Variants in RAP1GAP2 observed in about 807,000 individuals in gnomAD.
RAP1GAP2 encodes RAP1 GTPase activating protein 2.
In RAP1GAP2, 27 loss-of-function variants were observed where a neutral mutation model predicts 95.0. The ratio of observed to expected loss-of-function variants is 0.28; its 90% CI spans 0.21 to 0.39. The LOEUF is 0.39. RAP1GAP2 is among the 10% of genes least tolerant of loss of function. The pLI is 1.00. For missense variants in RAP1GAP2, 771 were observed against 970.0 expected, an observed-to-expected ratio of 0.79 and a Z score of 2.72; for synonymous variants, 373 against 380.9, an observed-to-expected ratio of 0.98 and a Z score of 0.24.
chr17:2,787,036 C>T (rs1163263840), intron 1 of RAP1GAP2, among the ~76,000 whole-genome samples: 3 of 150,614 alleles, frequency 2.0e-5, no homozygotes, highest in East Asian at 2.0e-4. Flanking sequence ...CTGCAACCTC[C>T]GCTTCCCGGG....
chr17:2,978,329 G>A (rs929739720), intron 8 of RAP1GAP2, among the ~76,000 whole-genome samples: 2 of 152,138 alleles, frequency 1.3e-5, no homozygotes, highest in African/African-American at 4.8e-5. Context: ...AGTATGATAA[G>A]GATGAGGGTG....
intron 3 of RAP1GAP2, among the ~76,000 whole-genome samples, chr17:2,936,913 G>A (rs945939783): frequency 3.3e-5 from 5 of 152,244 alleles, no homozygotes; most frequent in Non-Finnish European, 5.9e-5. Context: ...ATAGTCACCA[G>A]ACTGAAGTCA....
intron 2 of RAP1GAP2, among the ~76,000 whole-genome samples, chr17:2,846,102 G>T (rs2071575643): frequency 6.6e-6 from 1 of 151,482 alleles, no homozygotes; most frequent in Non-Finnish European, 1.5e-5. Flanking sequence ...AGAATTGCTT[G>T]AACCCGGGAG....
chr17:2,859,999 C>T (rs1278602064), intron 2 of RAP1GAP2, among the ~76,000 whole-genome samples: 1 of 149,190 alleles, frequency 6.7e-6, no homozygotes. Context: ...CGACGTTAGT[C>T]ATTGTTGATT....
intron 21 of RAP1GAP2, 46 bp from the exon 22 acceptor site, chr17:3,026,898 G>A (rs1567913469): frequency 5.9e-6 from 9 of 1,535,234 alleles, no homozygotes; most frequent in Non-Finnish European, 7.0e-6. Flanking sequence ...CGTGGGCGCA[G>A]CTGCCGAGGG....
At chr17:2,895,517 A>G (rs1369839243) in intron 2 of RAP1GAP2, among the ~76,000 whole-genome samples, 1 of 152,176 alleles carries the variant, frequency 6.6e-6, no homozygotes, top group Non-Finnish European at 1.5e-5. Context: ...AAGAGAGTGT[A>G]CATGGATCAC....
Position 3,026,213 on chromosome 17 carries a change from C to G in RAP1GAP2, c.1865+92C>G, listed in dbSNP as rs1451042971. The G allele has an allele frequency of 4.6e-6, 6 of 1,313,690 alleles. No homozygotes were observed. The African/African-American group carries it at 5.8e-5, about 13-fold the overall frequency. 81.4% of individuals were successfully genotyped at this position (1,313,690 alleles called of 1,614,324 possible). A position where few individuals can be genotyped will look rare whatever the true frequency, so the allele number is the denominator to read the frequency against. On this transcript the variant is annotated intron_variant, in intron 20 of 24. Coordinates refer to ENST00000254695, the MANE Select transcript of RAP1GAP2 (RefSeq NM_015085.5). ...CCTGGCCAGCTGAGAGTGGCCATCT[C>G]CTGCCTCTGGAACTCTCCAGAACAC...
chr17:2,813,150 C>A (rs1322526114), intron 2 of RAP1GAP2, among the ~76,000 whole-genome samples: 1 of 151,232 alleles, frequency 6.6e-6, no homozygotes, highest in Non-Finnish European at 1.5e-5. Flanking sequence ...TGGCTCACTG[C>A]AACCTCCGCC....
chr17:2,995,352 G>A lies in RAP1GAP2; in HGVS notation c.930G>A (p.Leu310=). The change falls in exon 13 of 25, where the codon CTG becomes CTA. Residue 310 remains leucine (L), a synonymous_variant. Coordinates refer to ENST00000254695, the MANE Select transcript of RAP1GAP2 (RefSeq NM_015085.5). ...LQDFKGFRGG[L]DVTHGQTGVE... The stretch of plus-strand genomic sequence containing the variant: ...TTGTTGACAGTTTCCGAGGAGGCCT[G>A]GACGTGACCCACGGACAGACAGGGG... The A allele has an allele frequency of 6.2e-7, 1 of 1,613,792 alleles. No homozygotes were observed. The highest frequency in any genetic ancestry group is 8.5e-7 in the Non-Finnish European group (1 of 1,179,716).
chr17:2,889,821 T>C (rs1377470896), intron 2 of RAP1GAP2, among the ~76,000 whole-genome samples: 8 of 144,066 alleles, frequency 5.6e-5, no homozygotes, highest in African/African-American at 7.6e-5. Context: ...TAGCTGGGAC[T>C]ACAGGCGCAC....
intron 3 of RAP1GAP2, among the ~76,000 whole-genome samples, chr17:2,926,160 C>T (rs2042950454): frequency 6.6e-6 from 1 of 150,496 alleles, no homozygotes; most frequent in African/African-American, 2.5e-5. Flanking sequence ...CTGGTCAGAG[C>T]AGAGCAAGGC....
At chr17:2,910,678 A>G (rs184984726) in intron 3 of RAP1GAP2, among the ~76,000 whole-genome samples, 14 of 152,294 alleles carry the variant, frequency 9.2e-5, no homozygotes, top group South Asian at 2.1e-4. Context: ...GACTCTCCCA[A>G]CGCAACGCCG....
At position 2,866,012 on chromosome 17, in the gene RAP1GAP2, A is replaced by G. The variant is rs1050834389; in HGVS notation, c.81-39272A>G. ...GCCCATGCTCCTGAAGCAGAGATCAACCATGGAATGTGAATCCAAGACAGA... is the reference window on the plus strand; with the variant it reads ...GCCCATGCTCCTGAAGCAGAGATCAGCCATGGAATGTGAATCCAAGACAGA... On this transcript the variant is annotated intron_variant, in intron 2 of 24. Transcript: ENST00000254695. The surrounding 1 kb of genome is among the most constrained non-coding windows in gnomAD (Gnocchi z 4.0). Among the ~76,000 whole-genome samples, 10 of 152,228 alleles carry G rather than the reference A, an allele frequency of 6.6e-5. No individual in the cohort carries two copies. Among genetic ancestry groups the G allele is most frequent in the Non-Finnish European group, 1.2e-4 (8 of 68,042 alleles).
At chr17:2,775,029 ACCATGTTGAC>A (rs1232128765), upstream of RAP1GAP2, among the ~76,000 whole-genome samples, 1 of 149,432 alleles carries the variant, frequency 6.7e-6, no homozygotes, top group Non-Finnish European at 1.5e-5. Flanking sequence ...CAGTGGTTTC[ACCATGTTGAC>A]CAGGTTGGCC....
At chr17:2,882,334 C>T (rs1443080977) in intron 2 of RAP1GAP2, among the ~76,000 whole-genome samples, 2 of 151,426 alleles carry the variant, frequency 1.3e-5, no homozygotes, top group African/African-American at 2.4e-5. Context: ...TCTTGTCCCC[C>T]AGGGTGGAGT....
chr17:3,018,041 C>T lies in RAP1GAP2; in HGVS notation c.1495-20C>T, dbSNP rs2046833957. The T allele has an allele frequency of 1.3e-6, 2 of 1,567,086 alleles. No individual in the cohort carries two copies. Among genetic ancestry groups the T allele is most frequent in the Non-Finnish European group, 1.7e-6 (2 of 1,156,458 alleles). ...GAGAGCCCGGGTGCTGATTCTCAGG[C>T]CCTTGTTCTCTCCCCGTAGAGGGCC... is the stretch of plus-strand genomic sequence containing the variant. On this transcript the variant is annotated intron_variant, in intron 17 of 24. Transcript: ENST00000254695.
chr17:2,953,377 T>C lies in RAP1GAP2; in HGVS notation c.166-4382T>C, dbSNP rs143357277. On this transcript the variant is annotated intron_variant, in intron 3 of 24. Coordinates refer to ENST00000254695, the MANE Select transcript of RAP1GAP2 (RefSeq NM_015085.5). ...ACCGTGTCTGGCTGTTTTTATAAAA[T>C]TGAGATTATATTCAATGTATTGTCT... is the stretch of plus-strand genomic sequence containing the variant. Among the ~76,000 whole-genome samples, 445 of 152,244 alleles carry C rather than the reference T, an allele frequency of 2.9e-3. 2 individuals carry two copies. The highest frequency in any genetic ancestry group is 0.01 in the African/African-American group (424 of 41,546).
At chr17:2,839,462 A>G (rs2071280521) in intron 2 of RAP1GAP2, among the ~76,000 whole-genome samples, 1 of 152,202 alleles carries the variant, frequency 6.6e-6, no homozygotes, top group Non-Finnish European at 1.5e-5. Flanking sequence ...CATTTGCTAT[A>G]ATTAACATTA....
At chr17:2,917,346 C>T (rs1473330066) in intron 3 of RAP1GAP2, among the ~76,000 whole-genome samples, 1 of 152,126 alleles carries the variant, frequency 6.6e-6, no homozygotes, top group East Asian at 1.9e-4. Context: ...TCTCGGCTCA[C>T]TGCAACCTCT....
Sources: allele counts gnomAD v4.1 joint callset (sites outside exome capture counted in the v4.1 genomes callset), GRCh38; gene constraint gnomAD v4.1.1; non-coding constraint Gnocchi (gnomAD v3.1); transcripts MANE v1.5; gene names NCBI Gene and HGNC (gene_info 2026-07-23, HGNC 2026-07-21).